TDP2: variants seen among roughly 807,000 people sequenced by gnomAD.
The protein encoded by TDP2 is 5'-Tyr-DNA phosphodiesterase.
A neutral mutation model predicts 42.8 loss-of-function variants in TDP2; 38 were observed. The observed-to-expected ratio is 0.89, with a 90% CI of 0.68 to 1.16. The LOEUF is 1.16. Among genes scored for constraint, TDP2 ranks in the 50% most tolerant of loss-of-function variants. The pLI is 0.00. For synonymous variants in TDP2, 173 were observed against 150.6 expected (o/e 1.15, Z -1.09); for missense variants, 439 against 439.3 (o/e 1.00, Z 0.01).
intron 4 of TDP2, among the ~76,000 whole-genome samples, chr6:24,656,985 C>A (rs1778069859): frequency 6.6e-6 from 1 of 152,038 alleles, no homozygotes; most frequent in Non-Finnish European, 1.5e-5. Context: ...GAGAGAGAAC[C>A]CTCTCCTTAG....
At chr6:24,651,217 T>C (rs1777969794) in intron 6 of TDP2, 148 bp from the exon 7 acceptor site, 1 of 678,940 alleles carries the variant, frequency 1.5e-6, no homozygotes, top group African/African-American at 1.8e-5. Context: ...TAAAAAGTAC[T>C]ATGCTGCATA....
chr6:24,660,485 A>G (rs1489930232), intron 2 of TDP2, among the ~76,000 whole-genome samples: 2 of 152,214 alleles, frequency 1.3e-5, no homozygotes, highest in African/African-American at 2.4e-5. Context: ...AAAATACCTA[A>G]TATAGAAAAG....
chr6:24,661,487 CT>C (rs1312180161), intron 2 of TDP2, among the ~76,000 whole-genome samples: 1 of 152,128 alleles, frequency 6.6e-6, no homozygotes, highest in Non-Finnish European at 1.5e-5. Flanking sequence ...TCATCTTGTA[CT>C]TTTTTTGCCC....
rs1356554993 is a variant in TDP2, at chr6:24,666,601, T to C, written c.176A>G (p.Asn59Ser). ...CTCCACCGGAGGCTCGAAGTAGGAG[T>C]TCAGAGCCCTCTGAAAAACAAAGGC... ...ENDWEMERAL[N>S]SYFEPPVEES... is the part of the protein sequence containing the mutation. The change falls in exon 2 of 7, where the codon AAC (asparagine) becomes AGC (serine). Residue 59 changes from asparagine (N) to serine (S), a missense_variant. Coordinates refer to ENST00000378198, the MANE Select transcript of TDP2 (RefSeq NM_016614.3). 6.2e-7 allele frequency: 1 copy of C among 1,613,818 alleles called. No homozygotes were observed. Among genetic ancestry groups the C allele is most frequent in the Non-Finnish European group, 8.5e-7 (1 of 1,179,920 alleles).
intron 2 of TDP2, among the ~76,000 whole-genome samples, chr6:24,661,259 A>G (rs1365233733): frequency 6.6e-6 from 1 of 152,202 alleles, no homozygotes; most frequent in Non-Finnish European, 1.5e-5. Flanking sequence ...TGTAAGGAAA[A>G]ATGTTCCCTT....
Position 24,666,744 on chromosome 6 carries a change from G to A in TDP2, c.119C>T (p.Ala40Val). The A allele has an allele frequency of 1.9e-6, 3 of 1,614,236 alleles. No individual in the cohort carries two copies. Among genetic ancestry groups the A allele is most frequent in the Non-Finnish European group, 2.5e-6 (3 of 1,180,032 alleles). The change falls in exon 1 of 7, where the codon GCC (alanine) becomes GTC (valine). Residue 40 changes from alanine (A) to valine (V), a missense_variant. Transcript: ENST00000378198. ...GGCCAGGAAGCACTGAGCCACTGCG[G>A]CATCGCAGCTTGCGACCGAGGCAAA... ...VEFASVASCDAAVAQCFLAEN... is the reference protein window; with the variant it reads ...VEFASVASCDVAVAQCFLAEN...
chr6:24,666,004 C>A (rs1288012979), intron 2 of TDP2: 2 of 1,375,746 alleles, frequency 1.5e-6, no homozygotes, highest in African/African-American at 1.5e-5. Context: ...GTTATGGAGC[C>A]AAATAGTAGA....
intron 6 of TDP2, 45 bp downstream of exon 6, chr6:24,652,938 T>A: frequency 6.2e-7 from 1 of 1,601,892 alleles, no homozygotes; most frequent in Non-Finnish European, 8.5e-7. Context: ...TTAGTCTCCA[T>A]AGCAATAATC....
chr6:24,658,609 A>T lies in TDP2; in HGVS notation c.377T>A (p.Leu126Gln). The change falls in exon 3 of 7, where the codon CTA becomes CAA. Residue 126 changes from leucine to glutamine, a missense_variant. Leu to Gln is a moderately radical substitution (Grantham distance 113). Transcript: ENST00000378198. The stretch of plus-strand genomic sequence containing the variant: ...TCGAGCCCTCTCTGACAGATTGTTT[A>T]GATCTAATCCATCAATATTCCAGGT... ...LITWNIDGLD[L>Q]NNLSERARGV... 1 of 1,613,978 alleles carries T rather than the reference A, an allele frequency of 6.2e-7. No homozygotes were observed. The highest frequency in any genetic ancestry group is 8.5e-7 in the Non-Finnish European group (1 of 1,179,874).
chr6:24,651,594 A>ATTTTTTTTTTTTTTTTTTTTTTTATTTT (rs36036133), intron 6 of TDP2, among the ~76,000 whole-genome samples: 1 of 147,334 alleles, frequency 6.8e-6, no homozygotes, highest in Non-Finnish European at 1.5e-5. Flanking sequence ...CATTTTAACA[A>ATTTTTTTTTTTTTTTTTTTTTTTATTTT]TTTTTTTTTT....
At chr6:24,651,869 G>A (rs1777981660) in intron 6 of TDP2, among the ~76,000 whole-genome samples, 1 of 152,210 alleles carries the variant, frequency 6.6e-6, no homozygotes, top group East Asian at 1.9e-4. Flanking sequence ...TTACAGGCAT[G>A]AGCCACTGTG....
Position 24,666,791 on chromosome 6 carries a change from C to A in TDP2, c.72G>T (p.Lys24Asn), listed in dbSNP as rs779514628. The A allele has an allele frequency of 1.2e-6, 2 of 1,614,278 alleles. No individual in the cohort carries two copies. Among genetic ancestry groups the A allele is most frequent in the Admixed American group, 1.7e-5 (1 of 60,036 alleles). Residue 24 changes from lysine to asparagine, a missense_variant, in exon 1 of 7, where the codon AAG becomes AAT. By Grantham distance (94) the Lys-to-Asn change is moderately conservative. Transcript: ENST00000378198. Reference sequence around the variant, plus strand: ...CAAACTCCACACACAGAAGTCGCCGCTTTTTCACCTCAGGCTCGCCCTCTT... The same window carrying A: ...CAAACTCCACACACAGAAGTCGCCGATTTTTCACCTCAGGCTCGCCCTCTT... ...AEEEGEPEVK[K>N]RRLLCVEFAS...
chr6:24,654,560 C>A, intron 4 of TDP2, 30 bp from the exon 5 acceptor site: 1 of 1,212,914 alleles, frequency 8.2e-7, no homozygotes. Context: ...AGAATTTAGG[C>A]TGAGAAGGTG....
chr6:24,660,735 T>C (rs1163517861), intron 2 of TDP2, among the ~76,000 whole-genome samples: 3 of 152,128 alleles, frequency 2.0e-5, no homozygotes, highest in Admixed American at 1.3e-4. Flanking sequence ...TAGGATCACA[T>C]GTTATATTTA....
At chr6:24,659,571 CAT>C (rs1243083507) in intron 2 of TDP2, among the ~76,000 whole-genome samples, 2 of 152,216 alleles carry the variant, frequency 1.3e-5, no homozygotes, top group African/African-American at 2.4e-5. Context: ...CCTTCAATGA[CAT>C]GTGTCACTAG....
intron 6 of TDP2, among the ~76,000 whole-genome samples, chr6:24,651,672 C>T (rs1474613367): frequency 1.3e-5 from 2 of 150,872 alleles, no homozygotes; most frequent in African/African-American, 2.4e-5. Context: ...CTGCAACTTC[C>T]ACCTCCCAGG....
At chr6:24,653,410 A>G (rs1304334120) in intron 5 of TDP2, among the ~76,000 whole-genome samples, 1 of 152,146 alleles carries the variant, frequency 6.6e-6, no homozygotes, top group Non-Finnish European at 1.5e-5. Flanking sequence ...TCCCCAGGCC[A>G]TCAGCGGCTC....
intron 2 of TDP2, among the ~76,000 whole-genome samples, chr6:24,662,830 C>A (rs1485791662): frequency 6.6e-6 from 1 of 152,228 alleles, no homozygotes; most frequent in Non-Finnish European, 1.5e-5. Context: ...GATTCCATGC[C>A]TGATCAAAGA....
intron 2 of TDP2, among the ~76,000 whole-genome samples, chr6:24,665,499 A>ATTC (rs1373413482): frequency 6.6e-6 from 1 of 152,272 alleles, no homozygotes; most frequent in Non-Finnish European, 1.5e-5. Flanking sequence ...GTAGCTGAAA[A>ATTC]GACCAAAGGG....
Sources: allele counts gnomAD v4.1 joint callset (sites outside exome capture counted in the v4.1 genomes callset), GRCh38; gene constraint gnomAD v4.1.1; transcripts MANE v1.5; gene names NCBI Gene and HGNC (gene_info 2026-07-23, HGNC 2026-07-21).